TTC39C: variants seen among roughly 807,000 people sequenced by gnomAD.
TTC39C encodes tetratricopeptide repeat protein 39C.
A neutral mutation model predicts 76.3 loss-of-function variants in TTC39C; 33 were observed. The ratio of observed to expected loss-of-function variants is 0.43; its 90% CI spans 0.33 to 0.58. TTC39C has a LOEUF of 0.58. TTC39C is among the 20% of genes least tolerant of loss of function. TTC39C has a pLI of 0.04. For synonymous variants in TTC39C, 254 were observed against 260.6 expected, an observed-to-expected ratio of 0.97 and a Z score of 0.24; for missense variants, 595 against 701.4, an observed-to-expected ratio of 0.85 and a Z score of 1.71.
chr18:24,047,541 G>A (rs768900214), intron 1 of TTC39C, among the ~76,000 whole-genome samples: 2 of 152,078 alleles, frequency 1.3e-5, no homozygotes, highest in Non-Finnish European at 2.9e-5. Flanking sequence ...ATTGTATAGT[G>A]TTTCTTTCTT....
intron 4 of TTC39C, among the ~76,000 whole-genome samples, chr18:24,080,223 A>G (rs561395312): frequency 1.3e-5 from 2 of 152,334 alleles, no homozygotes; most frequent in African/African-American, 4.8e-5. Context: ...CAGTATAGTA[A>G]TTCAGAAATG....
intron 1 of TTC39C, among the ~76,000 whole-genome samples, chr18:24,041,869 T>C (rs1346848422): frequency 6.6e-6 from 1 of 152,214 alleles, no homozygotes; most frequent in African/African-American, 2.4e-5. Flanking sequence ...ACATTACAGA[T>C]ACAGTTAAAC....
chr18:24,061,234 T>G (rs201364477), intron 1 of TTC39C, among the ~76,000 whole-genome samples: 6 of 150,358 alleles, frequency 4.0e-5, no homozygotes, highest in Non-Finnish European at 7.4e-5. Context: ...TTCTTTTTTT[T>G]TTTTTAAAAA....
rs555377994 is a variant in TTC39C at position 24,111,071 on chromosome 18, A to G, written c.985-3483A>G. Among the ~76,000 whole-genome samples, 10 of 151,648 alleles carry G rather than the reference A, an allele frequency of 6.6e-5. No homozygotes were observed. The South Asian group carries it at 1.9e-3, about 29-fold the overall frequency. On this transcript the variant is annotated intron_variant, in intron 6 of 13. Transcript: ENST00000317571. ...AGTGGCACGATCTTGGCTCACTGCA[A>G]CCTCCACCTCTCGGGTTCAAGTGAT...
intron 4 of TTC39C, among the ~76,000 whole-genome samples, chr18:24,074,610 C>T (rs2084280541): frequency 6.6e-6 from 1 of 152,248 alleles, no homozygotes; most frequent in South Asian, 2.1e-4. Context: ...GATACCATCT[C>T]ACATAAGTTA....
chr18:24,111,241 C>T (rs980420415), intron 6 of TTC39C, among the ~76,000 whole-genome samples: 2 of 152,012 alleles, frequency 1.3e-5, no homozygotes, highest in African/African-American at 4.8e-5. Flanking sequence ...CCACTGCGCC[C>T]GGCCTCTGTG....
At chr18:24,104,688 TTGTGTGTGTGTGTGTG>T in intron 6 of TTC39C, among the ~76,000 whole-genome samples, 1 of 144,838 alleles carries the variant, frequency 6.9e-6, no homozygotes, top group African/African-American at 2.6e-5. Flanking sequence ...AGCAGGGTGT[TTGTGTGTGTGTGTGTG>T]TGTGTGTGTG....
chr18:24,112,738 A>G (rs897684777), intron 6 of TTC39C, among the ~76,000 whole-genome samples: 3 of 152,188 alleles, frequency 2.0e-5, no homozygotes, highest in Admixed American at 6.5e-5. Flanking sequence ...AACATTCTGT[A>G]TGTGAGAACT....
chr18:24,027,333 G>A (rs1170180902), intron 1 of TTC39C, among the ~76,000 whole-genome samples: 1 of 151,978 alleles, frequency 6.6e-6, no homozygotes, highest in Non-Finnish European at 1.5e-5. Flanking sequence ...CTCTAGGATC[G>A]CTTCCAGTAG....
chr18:24,129,773 CA>C (rs5823413), intron 11 of TTC39C, among the ~76,000 whole-genome samples: 81,908 of 95,018 alleles, frequency 0.86, 35,115 homozygotes, highest in East Asian at 0.93. Flanking sequence ...GACTCCATCT[CA>C]AAAAAAAAAA....
At position 24,072,363 on chromosome 18, in the gene TTC39C, G is replaced by A. The variant is rs147177256; in HGVS notation, c.460+3092G>A. Reference sequence around the variant, plus strand: ...GGCTGGAGTGCAGTGGCACAATCTCGGCTCACAGCACAACCACTGCCTCCC... The same window carrying A: ...GGCTGGAGTGCAGTGGCACAATCTCAGCTCACAGCACAACCACTGCCTCCC... On this transcript the variant is annotated intron_variant, in intron 4 of 13. Coordinates refer to ENST00000317571, the MANE Select transcript of TTC39C (RefSeq NM_001135993.2). Among the ~76,000 whole-genome samples, 675 of 151,414 alleles carry A rather than the reference G, an allele frequency of 4.5e-3. 7 individuals are homozygous for A. Among genetic ancestry groups the A allele is most frequent in the African/African-American group, 0.015 (631 of 41,170 alleles).
chr18:24,067,848 A>G (rs1020901600), intron 3 of TTC39C, among the ~76,000 whole-genome samples: 22 of 152,166 alleles, frequency 1.4e-4, no homozygotes, highest in African/African-American at 5.3e-4. Context: ...AATAAAGTAC[A>G]GACTTCTTAA....
chr18:24,028,906 A>T (rs533719000), intron 1 of TTC39C, among the ~76,000 whole-genome samples: 1 of 152,072 alleles, frequency 6.6e-6, no homozygotes, highest in Admixed American at 6.5e-5. Context: ...TATTTTTAGT[A>T]GAGACGGGGT....
intron 11 of TTC39C, among the ~76,000 whole-genome samples, chr18:24,129,871 A>G (rs1357279328): frequency 1.3e-5 from 2 of 151,996 alleles, no homozygotes; most frequent in Non-Finnish European, 2.9e-5. Context: ...ATCTTTCAGT[A>G]TGGGCTTATG....
At chr18:24,107,889 G>GGC (rs369767891) in intron 6 of TTC39C, among the ~76,000 whole-genome samples, 123 of 16,706 alleles carry the variant, frequency 7.4e-3, no homozygotes, top group Non-Finnish European at 0.026. Context: ...CTCCCAAGTA[G>GGC]GGGGGGGGGT....
At chr18:24,023,223 A>G (rs1304812286) in intron 1 of TTC39C, among the ~76,000 whole-genome samples, 2 of 152,074 alleles carry the variant, frequency 1.3e-5, no homozygotes, top group Admixed American at 6.5e-5. Flanking sequence ...TCTTGACCCA[A>G]TTTGAGGTGC....
intron 1 of TTC39C, among the ~76,000 whole-genome samples, chr18:23,997,808 T>C (rs1029059920): frequency 3.3e-5 from 5 of 151,430 alleles, no homozygotes; most frequent in African/African-American, 4.9e-5. Context: ...CCTAGGAGTT[T>C]AAGGTGTATG....
intron 1 of TTC39C, among the ~76,000 whole-genome samples, chr18:24,047,960 TA>T (rs2083906193): frequency 6.6e-6 from 1 of 152,120 alleles, no homozygotes; most frequent in Non-Finnish European, 1.5e-5. Context: ...AATTAAACAT[TA>T]AAAAAGTATA....
intron 6 of TTC39C, among the ~76,000 whole-genome samples, chr18:24,086,700 T>C (rs371893367): frequency 6.6e-6 from 1 of 152,226 alleles, no homozygotes; most frequent in African/African-American, 2.4e-5. Flanking sequence ...TCTATAGTAC[T>C]GTGCCTCGAA....
Sources: gnomAD v4.1 joint callset for allele counts (sites outside exome capture counted in the v4.1 genomes callset) on GRCh38, gnomAD v4.1.1 for gene constraint, MANE v1.5 for transcripts, NCBI Gene and HGNC (gene_info 2026-07-23, HGNC 2026-07-21) for gene names.